FAM193B: variants seen among roughly 807,000 people sequenced by gnomAD.
FAM193B encodes protein FAM193B.
In FAM193B, 27 loss-of-function variants were observed where a neutral mutation model predicts 70.7. That is an observed-to-expected ratio of 0.38 (90% CI 0.28 to 0.53). The LOEUF is 0.53. Among genes scored for constraint, FAM193B ranks in the 20% least tolerant of loss-of-function variants. The pLI, the probability that FAM193B is intolerant of heterozygous loss-of-function variation, is 0.81. For synonymous variants in FAM193B, 448 were observed against 436.0 expected, an observed-to-expected ratio of 1.03 and a Z score of -0.34; for missense variants, 1,022 against 1,072.5, an observed-to-expected ratio of 0.95 and a Z score of 0.66.
Position 177,537,964 on chromosome 5 carries a change from C to T in FAM193B, c.597G>A (p.Leu199=). The change falls in exon 3 of 9, where the codon CTG becomes CTA. Residue 199 remains leucine (L), a synonymous_variant. Coordinates refer to ENST00000514747, the MANE Select transcript of FAM193B (RefSeq NM_001190946.3). ...NSGDWDPSSF[L]SAHKLSGLWN... is the part of the protein sequence containing the mutation. Reference sequence around the variant, plus strand: ...AGAGGCCCGAGAGCTTATGTGCCGACAGGAACGAGCTAGGATCCCAGTCTC... The same window carrying T: ...AGAGGCCCGAGAGCTTATGTGCCGATAGGAACGAGCTAGGATCCCAGTCTC... 1.3e-6 allele frequency: 2 copies of T among 1,566,602 alleles called. No individual in the cohort carries two copies. Among genetic ancestry groups the T allele is most frequent in the Non-Finnish European group, 1.7e-6 (2 of 1,155,474 alleles).
Position 177,538,369 on chromosome 5 carries a change from C to T in FAM193B, c.454-262G>A, listed in dbSNP as rs1015472860. Reference sequence around the variant, plus strand: ...AGGGGCAGAGACTGCCTGTGAACTGCGGGCCTTTGGGGAGTAGAGAGCGGC... The same window carrying T: ...AGGGGCAGAGACTGCCTGTGAACTGTGGGCCTTTGGGGAGTAGAGAGCGGC... On this transcript the variant is annotated intron_variant, in intron 2 of 8. Transcript: ENST00000514747. The surrounding 1 kb of genome is among the most constrained non-coding windows in gnomAD (Gnocchi z 4.1). Among the ~76,000 whole-genome samples, 126 of 152,264 alleles carry T rather than the reference C, an allele frequency of 8.3e-4. No homozygotes were observed. The highest frequency in any genetic ancestry group is 2.8e-3 in the African/African-American group (118 of 41,566).
rs769591718 is a variant in FAM193B, at chr5:177,524,415, G to C, written c.2066C>G (p.Ala689Gly). The change falls in exon 6 of 9, where the codon GCT (alanine) becomes GGT (glycine). Residue 689 changes from alanine (A) to glycine (G), a missense_variant. Transcript: ENST00000514747. ...ELPKVGSCAE[A>G]GEGSRGSRPG... The stretch of plus-strand genomic sequence containing the variant: ...CCGGCTCCCCCGGCTCCCCTCTCCA[G>C]CCTCAGCACAGCTGCCTACTTTGGG... 1 of 1,594,368 alleles carries C rather than the reference G, an allele frequency of 6.3e-7. No individual in the cohort carries two copies. Among genetic ancestry groups the C allele is most frequent in the Non-Finnish European group, 8.5e-7 (1 of 1,170,882 alleles).
At chr5:177,550,193 T>C (rs1254578680) in intron 1 of FAM193B, among the ~76,000 whole-genome samples, 2 of 152,156 alleles carry the variant, frequency 1.3e-5, no homozygotes, top group East Asian at 1.9e-4. Flanking sequence ...TAAGTCTTCA[T>C]TTTCAAAGGT....
intron 1 of FAM193B, among the ~76,000 whole-genome samples, chr5:177,540,649 AAAGT>A: frequency 6.6e-6 from 1 of 152,196 alleles, no homozygotes; most frequent in South Asian, 2.1e-4. Flanking sequence ...TGGAGAAAGC[AAAGT>A]CTTCCCAGCT....
At chr5:177,546,642 C>CAA (rs1765460403) in intron 1 of FAM193B, among the ~76,000 whole-genome samples, 1 of 152,224 alleles carries the variant, frequency 6.6e-6, no homozygotes, top group Admixed American at 6.5e-5. Context: ...AGAGAGCTGA[C>CAA]ACAACCCCAC....
rs1353858922 is a variant in FAM193B, at chr5:177,524,665, A to G, written c.1816T>C (p.Tyr606His). The change falls in exon 6 of 9, where the codon TAC (tyrosine) becomes CAC (histidine). Residue 606 changes from tyrosine (Y) to histidine (H), a missense_variant. Physicochemically the swap from Tyr to His is moderately conservative, Grantham distance 83 (BLOSUM62 2). Coordinates refer to ENST00000514747, the MANE Select transcript of FAM193B (RefSeq NM_001190946.3). ...VIWVKTPKPG[Y>H]PSSEEPSSKE... ...GAGCTTGGCTCCTCGGAGCTGGGGT[A>G]GCCCGGCTTGGGTGTCTTGACCCAG... 66 of 1,611,958 alleles carry G rather than the reference A, an allele frequency of 4.1e-5. No individual in the cohort carries two copies. Among genetic ancestry groups the G allele is most frequent in the Non-Finnish European group, 4.8e-5 (57 of 1,179,258 alleles).
intron 4 of FAM193B, among the ~76,000 whole-genome samples, chr5:177,533,856 TTC>T (rs1451533790): frequency 6.6e-6 from 1 of 152,242 alleles, no homozygotes; most frequent in African/African-American, 2.4e-5. Context: ...AAGCCCACGT[TTC>T]TCTCTATGCA....
intron 1 of FAM193B, among the ~76,000 whole-genome samples, chr5:177,552,722 T>G (rs575281463): frequency 1.3e-5 from 2 of 152,206 alleles, no homozygotes; most frequent in African/African-American, 4.8e-5. Flanking sequence ...GGGAGTCTCC[T>G]ACGGAAGTGT....
At chr5:177,539,939 T>A (rs191693255) in intron 1 of FAM193B, among the ~76,000 whole-genome samples, 104 of 152,292 alleles carry the variant, frequency 6.8e-4, no homozygotes, top group African/African-American at 2.4e-3. Flanking sequence ...CTACCCTGTG[T>A]ATGCCCATAG....
intron 5 of FAM193B, among the ~76,000 whole-genome samples, chr5:177,528,749 C>G (rs1763005878): frequency 6.6e-6 from 1 of 152,164 alleles, no homozygotes; most frequent in Non-Finnish European, 1.5e-5. Context: ...GACAGAAGGA[C>G]TGTGGGGAAT....
At chr5:177,534,375 C>A (rs1404414891) in intron 4 of FAM193B, among the ~76,000 whole-genome samples, 4 of 149,746 alleles carry the variant, frequency 2.7e-5, no homozygotes. Context: ...CGGCTCACTG[C>A]AACCTCCGCC....
Position 177,524,267 on chromosome 5 carries a change from T to C in FAM193B, c.2214A>G (p.Pro738=). The part of the protein sequence containing the change: ...QEQESVQPSG[P]ARPQSLPQGK... ...CCTGGGGCAAGCTCTGTGGCCTTGC[T>C]GGGCCTGAGGGCTGCACAGACTCCT... Residue 738 remains proline, a synonymous_variant, in exon 6 of 9, where the codon CCA becomes CCG. Coordinates refer to ENST00000514747, the MANE Select transcript of FAM193B (RefSeq NM_001190946.3). 3 of 1,569,954 alleles carry C rather than the reference T, an allele frequency of 1.9e-6. No individual in the cohort carries two copies. Among genetic ancestry groups the C allele is most frequent in the Non-Finnish European group, 2.6e-6 (3 of 1,158,972 alleles).
chr5:177,542,756 T>C (rs941558752), intron 1 of FAM193B, among the ~76,000 whole-genome samples: 1 of 152,212 alleles, frequency 6.6e-6, no homozygotes, highest in Non-Finnish European at 1.5e-5. Flanking sequence ...TCCTCTCCCA[T>C]CTCCTCCTAG....
intron 4 of FAM193B, among the ~76,000 whole-genome samples, chr5:177,534,790 A>T (rs1763983412): frequency 6.6e-6 from 1 of 152,062 alleles, no homozygotes; most frequent in African/African-American, 2.4e-5. Context: ...ACTAGTTTTT[A>T]AATTTTTTGT....
At chr5:177,549,182 CTTTTCTTTT>C (rs1475243505) in intron 1 of FAM193B, among the ~76,000 whole-genome samples, 3 of 128,630 alleles carry the variant, frequency 2.3e-5, no homozygotes, top group Admixed American at 9.6e-5. Context: ...ACTGGATTGT[CTTTTCTTTT>C]TTTTTTTTTT....
chr5:177,521,325 T>C (rs1339076329), intron 8 of FAM193B, among the ~76,000 whole-genome samples: 1 of 152,212 alleles, frequency 6.6e-6, no homozygotes, highest in Non-Finnish European at 1.5e-5. Context: ...TGGTACATCA[T>C]TGTTTCAGAC....
Position 177,553,025 on chromosome 5 carries a change from T to C in FAM193B, c.210+1224A>G, listed in dbSNP as rs114808068. 7.7e-3 allele frequency: 2,005 copies of C among 258,996 alleles called. 44 individuals are homozygous for C. The highest frequency in any genetic ancestry group is 0.044 in the African/African-American group (1,909 of 43,514). The allele number at this position is 258,996 out of a possible 1,614,324, so 16.0% of individuals were successfully genotyped here. ...CAGTCCAGGGCAGGCAACAGACATA[T>C]CAACACAATGTTTCATCACAGAAAG... On this transcript the variant is annotated intron_variant, in intron 1 of 8. Coordinates refer to ENST00000514747, the MANE Select transcript of FAM193B (RefSeq NM_001190946.3).
intron 7 of FAM193B, 59 bp downstream of exon 7, chr5:177,523,898 T>C: frequency 6.3e-7 from 1 of 1,584,350 alleles, no homozygotes; most frequent in Non-Finnish European, 8.7e-7. Flanking sequence ...ACACAGGGCT[T>C]GAGTGTGGGC....
chr5:177,521,015 C>A (rs547361460), intron 8 of FAM193B, among the ~76,000 whole-genome samples: 1 of 152,238 alleles, frequency 6.6e-6, no homozygotes, highest in South Asian at 2.1e-4. Flanking sequence ...CTGCTTAGGC[C>A]CAGAGAGGAG....
Sources: allele counts gnomAD v4.1 joint callset (sites outside exome capture counted in the v4.1 genomes callset), GRCh38; gene constraint gnomAD v4.1.1; non-coding constraint Gnocchi (gnomAD v3.1); transcripts MANE v1.5; gene names NCBI Gene and HGNC (gene_info 2026-07-23, HGNC 2026-07-21).